Variants in KCTD8 observed in about 807,000 individuals in gnomAD.
KCTD8 encodes BTB/POZ domain-containing protein KCTD8.
KCTD8 carries 27 observed loss-of-function variants against 31.5 expected under a neutral mutation model. That is an observed-to-expected ratio of 0.86 (90% CI 0.63 to 1.18). The LOEUF (loss-of-function observed/expected upper bound fraction) is 1.18, where lower values mean the gene tolerates loss of function less well. KCTD8 is among the 50% of genes most tolerant of loss of function. KCTD8 has a pLI of 0.00. For missense variants in KCTD8, 658 were observed against 647.7 expected (o/e 1.02, Z -0.17); for synonymous variants, 290 against 280.0 (o/e 1.04, Z -0.36).
chr4:44,300,040 G>A (rs574135681), intron 1 of KCTD8, among the ~76,000 whole-genome samples: 19 of 151,964 alleles, frequency 1.3e-4, no homozygotes, highest in Admixed American at 1.2e-3. Flanking sequence ...GTGAGCCACC[G>A]CACTCGGCCG....
intron 1 of KCTD8, among the ~76,000 whole-genome samples, chr4:44,292,408 T>G (rs1181205890): frequency 6.6e-6 from 1 of 152,072 alleles, no homozygotes; most frequent in Non-Finnish European, 1.5e-5. Context: ...CACTTATAAA[T>G]GGGAGTGAAA....
At chr4:44,343,836 G>GT (rs1178729088) in intron 1 of KCTD8, among the ~76,000 whole-genome samples, 70 of 151,700 alleles carry the variant, frequency 4.6e-4, no homozygotes, top group Middle Eastern at 3.4e-3. Context: ...ACATTACAGG[G>GT]TTTTTTTTGT....
chr4:44,305,549 T>C (rs943965909), intron 1 of KCTD8, among the ~76,000 whole-genome samples: 1 of 151,686 alleles, frequency 6.6e-6, no homozygotes, highest in African/African-American at 2.4e-5. Context: ...ATATATAGTA[T>C]GAAAATACAT....
chr4:44,352,203 C>T (rs1017555065), intron 1 of KCTD8, among the ~76,000 whole-genome samples: 1 of 151,950 alleles, frequency 6.6e-6, no homozygotes, highest in Non-Finnish European at 1.5e-5. Flanking sequence ...TCAGATTACA[C>T]TGAAATCATG....
intron 1 of KCTD8, among the ~76,000 whole-genome samples, chr4:44,285,279 A>G (rs1424916645): frequency 1.3e-5 from 2 of 152,208 alleles, no homozygotes; most frequent in African/African-American, 4.8e-5. Flanking sequence ...ACACCATGGA[A>G]TACTATGCAC....
intron 1 of KCTD8, among the ~76,000 whole-genome samples, chr4:44,196,936 G>GAC (rs1425307684): frequency 6.6e-6 from 1 of 152,152 alleles, no homozygotes; most frequent in African/African-American, 2.4e-5. Context: ...GGAGCAGTCA[G>GAC]ACTGCCTCAC....
chr4:44,330,574 A>C (rs1718568880), intron 1 of KCTD8, among the ~76,000 whole-genome samples: 1 of 152,004 alleles, frequency 6.6e-6, no homozygotes, highest in East Asian at 1.9e-4. Flanking sequence ...CCAGTTATGA[A>C]GAAAAACTAG....
chr4:44,447,667 G>A lies in KCTD8; in HGVS notation c.857C>T (p.Ala286Val). The change falls in exon 1 of 2, where the codon GCC becomes GTC. Residue 286 changes from alanine (A) to valine (V), a missense_variant. Physicochemically the swap from Ala to Val is moderately conservative, Grantham distance 64. Transcript: ENST00000360029. ...LEQAFDRLSE[A>V]GFHMVACNSS... is the part of the protein sequence containing the mutation. ...GTTACACGCCACCATGTGGAAGCCGGCCTCGGACAGGCGATCAAAGGCCTG... is the reference window on the plus strand; with the variant it reads ...GTTACACGCCACCATGTGGAAGCCGACCTCGGACAGGCGATCAAAGGCCTG... 2 of 1,612,154 alleles carry A rather than the reference G, an allele frequency of 1.2e-6. No individual in the cohort carries two copies. The highest frequency in any genetic ancestry group is 1.7e-6 in the Non-Finnish European group (2 of 1,179,272).
chr4:44,250,856 A>G (rs1715808939), intron 1 of KCTD8, among the ~76,000 whole-genome samples: 1 of 151,686 alleles, frequency 6.6e-6, no homozygotes, highest in African/African-American at 2.4e-5. Context: ...CCAATTCAAA[A>G]CTTGGCTTTT....
intron 1 of KCTD8, among the ~76,000 whole-genome samples, chr4:44,246,969 T>C (rs551799624): frequency 6.7e-6 from 1 of 149,702 alleles, no homozygotes; most frequent in Admixed American, 6.6e-5. Context: ...TTGTGTCACA[T>C]TGTTTTGTTT....
intron 1 of KCTD8, among the ~76,000 whole-genome samples, chr4:44,204,461 G>T (rs1308139619): frequency 6.6e-5 from 10 of 152,084 alleles, no homozygotes; most frequent in Admixed American, 6.5e-4. Flanking sequence ...GTCCTGTTCT[G>T]TTCTGTTCTA....
chr4:44,336,258 C>G (rs1010349879), intron 1 of KCTD8, among the ~76,000 whole-genome samples: 1 of 150,098 alleles, frequency 6.7e-6, no homozygotes, highest in Admixed American at 6.6e-5. Context: ...ATTAACAAAC[C>G]TAGCAATGAT....
chr4:44,239,171 A>C (rs1715376932), intron 1 of KCTD8, among the ~76,000 whole-genome samples: 1 of 152,220 alleles, frequency 6.6e-6, no homozygotes, highest in South Asian at 2.1e-4. Flanking sequence ...TAAAATCGAA[A>C]GCACAATTCA....
intron 1 of KCTD8, among the ~76,000 whole-genome samples, chr4:44,390,368 C>A (rs1720341878): frequency 6.6e-6 from 1 of 151,966 alleles, no homozygotes; most frequent in Non-Finnish European, 1.5e-5. Flanking sequence ...TGCCAATTAT[C>A]CCAGCACCAT....
intron 1 of KCTD8, among the ~76,000 whole-genome samples, chr4:44,251,629 T>C (rs1479700141): frequency 6.6e-6 from 1 of 151,582 alleles, no homozygotes; most frequent in Non-Finnish European, 1.5e-5. Context: ...CTGGCATTTG[T>C]GAAAGCTACA....
At chr4:44,273,285 T>A (rs182492597) in intron 1 of KCTD8, among the ~76,000 whole-genome samples, 1 of 152,108 alleles carries the variant, frequency 6.6e-6, no homozygotes, top group Admixed American at 6.6e-5. Flanking sequence ...CATTTGACTA[T>A]CTATTTGAAT....
At chr4:44,362,538 A>G (rs1719525544) in intron 1 of KCTD8, among the ~76,000 whole-genome samples, 1 of 152,152 alleles carries the variant, frequency 6.6e-6, no homozygotes, top group Non-Finnish European at 1.5e-5. Flanking sequence ...ATAGTGTTGT[A>G]GAATGTACGG....
intron 1 of KCTD8, among the ~76,000 whole-genome samples, chr4:44,329,111 T>G (rs1718527260): frequency 6.6e-6 from 1 of 151,834 alleles, no homozygotes; most frequent in South Asian, 2.1e-4. Context: ...AATATTACCT[T>G]AGGTCTTGAA....
At chr4:44,384,142 CA>C (rs66754022) in intron 1 of KCTD8, among the ~76,000 whole-genome samples, 114,495 of 148,910 alleles carry the variant, frequency 0.77, 44,769 homozygotes, top group Non-Finnish European at 0.84. Flanking sequence ...TGCCTATTAT[CA>C]AAAAAAAACA....
Sources: gnomAD v4.1 joint callset for allele counts (sites outside exome capture counted in the v4.1 genomes callset) on GRCh38, gnomAD v4.1.1 for gene constraint, MANE v1.5 for transcripts, NCBI Gene and HGNC (gene_info 2026-07-23, HGNC 2026-07-21) for gene names.